Variants in LRRC4C observed in about 807,000 individuals in gnomAD.
LRRC4C encodes leucine-rich repeat-containing protein 4C.
A neutral mutation model predicts 33.6 loss-of-function variants in LRRC4C; 5 were observed. The ratio of observed to expected loss-of-function variants is 0.15; its 90% confidence interval spans 0.08 to 0.31. LRRC4C has a LOEUF of 0.31. Ranked by LOEUF, LRRC4C falls within the 10% of genes least tolerant of loss-of-function variation. The pLI is 1.00. For missense variants in LRRC4C, 560 were observed against 796.7 expected (o/e 0.70, Z 3.58); for synonymous variants, 329 against 302.0 (o/e 1.09, Z -0.93).
intron 3 of LRRC4C, among the ~76,000 whole-genome samples, chr11:40,469,852 G>A (rs1365641360): frequency 6.6e-6 from 1 of 152,196 alleles, no homozygotes; most frequent in Non-Finnish European, 1.5e-5. Context: ...TCTGGGAAGG[G>A]CATCCCTGAA....
intron 2 of LRRC4C, among the ~76,000 whole-genome samples, chr11:40,783,041 A>C (rs897866757): frequency 1.3e-5 from 2 of 152,158 alleles, no homozygotes; most frequent in Admixed American, 1.3e-4. Flanking sequence ...CATGAAGATT[A>C]TTCTTCTCAA....
At chr11:41,329,876 C>T (rs1951239305) in intron 1 of LRRC4C, among the ~76,000 whole-genome samples, 1 of 152,166 alleles carries the variant, frequency 6.6e-6, no homozygotes, top group Admixed American at 6.5e-5. Context: ...TGGTGCAGGA[C>T]TCTAGAAAAC....
intron 3 of LRRC4C, among the ~76,000 whole-genome samples, chr11:40,541,080 G>A (rs1413521610): frequency 6.6e-6 from 1 of 152,152 alleles, no homozygotes; most frequent in Non-Finnish European, 1.5e-5. Context: ...TCATAGAAAT[G>A]AGGCACACAA....
intron 1 of LRRC4C, among the ~76,000 whole-genome samples, chr11:41,239,804 C>T (rs1314476042): frequency 6.6e-6 from 1 of 152,142 alleles, no homozygotes; most frequent in Non-Finnish European, 1.5e-5. Context: ...GCTCCTTGTA[C>T]AGAATGATTC....
At chr11:40,980,622 G>A (rs1172540493) in intron 1 of LRRC4C, among the ~76,000 whole-genome samples, 1 of 152,126 alleles carries the variant, frequency 6.6e-6, no homozygotes, top group Non-Finnish European at 1.5e-5. Context: ...CAAAAACTGA[G>A]ACTTCCTTTC....
intron 4 of LRRC4C, among the ~76,000 whole-genome samples, chr11:40,263,990 G>A (rs1942059173): frequency 6.6e-6 from 1 of 152,154 alleles, no homozygotes. Context: ...TGGCTGAGTG[G>A]TCTAAGGCAC....
At chr11:40,190,313 G>T (rs555999273) in intron 5 of LRRC4C, among the ~76,000 whole-genome samples, 1 of 152,266 alleles carries the variant, frequency 6.6e-6, no homozygotes, top group African/African-American at 2.4e-5. Flanking sequence ...CTTTTTGGGA[G>T]GTTACAGATA....
At chr11:41,245,822 T>G (rs1948429195) in intron 1 of LRRC4C, among the ~76,000 whole-genome samples, 1 of 152,120 alleles carries the variant, frequency 6.6e-6, no homozygotes, top group African/African-American at 2.4e-5. Context: ...GGTGCTTTAT[T>G]GAGTGACAGA....
At chr11:41,354,960 T>C (rs1952107219) in intron 1 of LRRC4C, among the ~76,000 whole-genome samples, 1 of 151,870 alleles carries the variant, frequency 6.6e-6, no homozygotes, top group African/African-American at 2.4e-5. Flanking sequence ...CAACAAAGTC[T>C]CCAAAAGCAA....
At chr11:41,060,856 C>T (rs1031790397) in intron 1 of LRRC4C, among the ~76,000 whole-genome samples, 2 of 152,034 alleles carry the variant, frequency 1.3e-5, no homozygotes, top group African/African-American at 4.8e-5. Flanking sequence ...TTCTCTTATC[C>T]ATGCAGCCAA....
chr11:40,805,461 T>C (rs1310220470), intron 2 of LRRC4C, among the ~76,000 whole-genome samples: 1 of 152,052 alleles, frequency 6.6e-6, no homozygotes, highest in African/African-American at 2.4e-5. Context: ...GTCACTTTTC[T>C]TTTTTTTGTA....
chr11:40,788,353 A>T (rs1487968650), intron 2 of LRRC4C, among the ~76,000 whole-genome samples: 4 of 151,928 alleles, frequency 2.6e-5, no homozygotes. Context: ...GTCTTAGTAG[A>T]TCATCTGTAT....
chr11:40,299,482 C>T (rs866259141), intron 4 of LRRC4C, among the ~76,000 whole-genome samples: 2 of 152,168 alleles, frequency 1.3e-5, no homozygotes, highest in Non-Finnish European at 2.9e-5. Context: ...AATGAACAAA[C>T]ATTAAAAGGA....
At chr11:41,365,466 C>T (rs1385392065) in intron 1 of LRRC4C, among the ~76,000 whole-genome samples, 1 of 152,050 alleles carries the variant, frequency 6.6e-6, no homozygotes, top group Non-Finnish European at 1.5e-5. Context: ...ACAACATCCC[C>T]ACCCCTAGTC....
intron 5 of LRRC4C, among the ~76,000 whole-genome samples, chr11:40,162,473 G>A (rs978368319): frequency 6.6e-6 from 1 of 152,110 alleles, no homozygotes; most frequent in Non-Finnish European, 1.5e-5. Context: ...GAGAGAAGAA[G>A]AAAGCACCTC....
chr11:40,527,562 T>C (rs1198857397), intron 3 of LRRC4C, among the ~76,000 whole-genome samples: 4 of 152,100 alleles, frequency 2.6e-5, no homozygotes, highest in Non-Finnish European at 4.4e-5. Context: ...CCCTCAGTCT[T>C]AGATTTGCAC....
chr11:40,470,522 G>C (rs777303353), intron 3 of LRRC4C, among the ~76,000 whole-genome samples: 1 of 152,190 alleles, frequency 6.6e-6, no homozygotes, highest in Non-Finnish European at 1.5e-5. Context: ...AACAAAACTG[G>C]ACGGAGAATG....
At chr11:40,973,062 C>T (rs978230986) in intron 1 of LRRC4C, among the ~76,000 whole-genome samples, 4 of 152,144 alleles carry the variant, frequency 2.6e-5, no homozygotes, top group Admixed American at 2.0e-4. Flanking sequence ...GACATTCCTG[C>T]TTTCCTTTCA....
chr11:41,034,069 A>G lies in LRRC4C; in HGVS notation c.-495-100346T>C, dbSNP rs1012970746. 2.0e-5 allele frequency among the ~76,000 whole-genome samples: 3 copies of G among 152,188 alleles called. No homozygotes were observed. The South Asian group carries it at 6.2e-4, about 32-fold the overall frequency. On this transcript the variant is annotated intron_variant, in intron 1 of 6. Coordinates refer to ENST00000528697, the MANE Select transcript of LRRC4C (RefSeq NM_001258419.2). ...TTTCGAAGTCATCATTTTTGTTGAC[A>G]CATTGCTATGGTTTACATGTGTCCT...
Sources: gnomAD v4.1 joint callset for allele counts (sites outside exome capture counted in the v4.1 genomes callset) on GRCh38, gnomAD v4.1.1 for gene constraint, MANE v1.5 for transcripts, NCBI Gene and HGNC (gene_info 2026-07-23, HGNC 2026-07-21) for gene names.